The following COL4A5 variants were observed in gnomAD, a reference collection of about 807,000 sequenced individuals.
COL4A5 encodes collagen alpha-5(IV) chain.
Under a neutral mutation model 130.2 loss-of-function variants are expected in COL4A5, and 26 were observed. The observed-to-expected ratio is 0.20, with a 90% CI of 0.15 to 0.28. The LOEUF (loss-of-function observed/expected upper bound fraction) is 0.28. Ranked by LOEUF, COL4A5 falls within the 10% of genes least tolerant of loss-of-function variation. The pLI, the probability that COL4A5 is intolerant of heterozygous loss-of-function variation, is 1.00. For synonymous variants in COL4A5, 496 were observed against 439.6 expected (o/e 1.13, Z -1.60); for missense variants, 1,131 against 1,344.3 (o/e 0.84, Z 2.48).
intron 19 of COL4A5, among the ~76,000 whole-genome samples, chrX:108,589,074 T>G (rs1455386276): frequency 8.9e-6 from 1 of 111,834 alleles, no homozygotes; most frequent in Non-Finnish European, 1.9e-5. Context: ...AAATCAGTAC[T>G]GGTTATTTTT....
intron 1 of COL4A5, among the ~76,000 whole-genome samples, chrX:108,517,636 G>A (rs1422934223): frequency 9.0e-6 from 1 of 111,252 alleles, no homozygotes; most frequent in East Asian, 2.8e-4. Context: ...TAGAGCTGAA[G>A]ACTGGAAAAC....
At position 108,580,557 on chromosome X, in the gene COL4A5, C is replaced by G; in HGVS notation, c.805C>G (p.Pro269Ala). The G allele has an allele frequency of 8.3e-7, 1 of 1,210,093 alleles. No individual in the cohort carries two copies. The highest frequency in any genetic ancestry group is 1.1e-6 in the Non-Finnish European group (1 of 894,340). ...DQGLPGDRGPPGPPGIRGPPG... is the reference protein window; with the variant it reads ...DQGLPGDRGPAGPPGIRGPPG... The stretch of plus-strand genomic sequence containing the variant: ...GGGACTTCCTGGTGACCGAGGGCCT[C>G]CTGGACCTCCAGGGATACGTGGTCC... Residue 269 changes from proline to alanine, a missense_variant, in exon 14 of 53, where the codon CCT becomes GCT. Coordinates refer to ENST00000328300, the MANE Select transcript of COL4A5 (RefSeq NM_033380.3).
intron 1 of COL4A5, among the ~76,000 whole-genome samples, chrX:108,519,165 A>G (rs1960115958): frequency 9.0e-6 from 1 of 111,301 alleles, no homozygotes. Context: ...GGGGTATAAC[A>G]AAGATACCTA....
intron 8 of COL4A5, 79 bp from the exon 9 acceptor site, chrX:108,573,495 T>C: frequency 1.5e-6 from 1 of 659,190 alleles, no homozygotes; most frequent in Non-Finnish European, 2.6e-6. Flanking sequence ...AAATTGAATC[T>C]TCAGATCATT....
At chrX:108,649,124 A>C (rs2067668688) in intron 36 of COL4A5, among the ~76,000 whole-genome samples, 1 of 111,036 alleles carries the variant, frequency 9.0e-6, no homozygotes, top group Admixed American at 9.7e-5. Flanking sequence ...CAAATCAAGA[A>C]CTCAACCCCT....
intron 29 of COL4A5, among the ~76,000 whole-genome samples, chrX:108,611,005 G>T (rs1211625899): frequency 9.0e-6 from 1 of 110,911 alleles, no homozygotes; most frequent in African/African-American, 3.3e-5. Context: ...CTATGAAAAT[G>T]TATCACTAAT....
At chrX:108,642,011 C>T (rs1182633770) in intron 36 of COL4A5, among the ~76,000 whole-genome samples, 1 of 111,658 alleles carries the variant, frequency 9.0e-6, no homozygotes, top group East Asian at 2.8e-4. Flanking sequence ...GCCCTGCTCA[C>T]CCACCACCTG....
intron 1 of COL4A5, among the ~76,000 whole-genome samples, chrX:108,456,740 T>A (rs2064588226): frequency 8.9e-6 from 1 of 112,261 alleles, no homozygotes; most frequent in Non-Finnish European, 1.9e-5. Flanking sequence ...CTGAAAATCT[T>A]TTTTAAAGTA....
chrX:108,477,013 G>A (rs1471639149), intron 1 of COL4A5, among the ~76,000 whole-genome samples: 1 of 111,620 alleles, frequency 9.0e-6, no homozygotes, highest in Non-Finnish European at 1.9e-5. Flanking sequence ...GAAAGATGTA[G>A]GCTGGGAGGC....
intron 1 of COL4A5, among the ~76,000 whole-genome samples, chrX:108,500,809 G>GA (rs2065073353): frequency 9.0e-6 from 1 of 111,362 alleles, no homozygotes; most frequent in African/African-American, 3.3e-5. Flanking sequence ...TGAGAGGACA[G>GA]AAAATATCTA....
chrX:108,642,746 G>T (rs770869160), intron 36 of COL4A5, among the ~76,000 whole-genome samples: 2 of 105,917 alleles, frequency 1.9e-5, no homozygotes, highest in Non-Finnish European at 3.9e-5. Context: ...ACAGACTTCA[G>T]CCCTAGACCT....
At chrX:108,587,210 C>A (rs1444665534) in intron 19 of COL4A5, among the ~76,000 whole-genome samples, 1 of 111,042 alleles carries the variant, frequency 9.0e-6, no homozygotes, top group Non-Finnish European at 1.9e-5. Flanking sequence ...AACACTGAAA[C>A]TTATTGCTTC....
intron 2 of COL4A5, among the ~76,000 whole-genome samples, chrX:108,544,690 G>C (rs1377024343): frequency 9.0e-6 from 1 of 110,992 alleles, no homozygotes; most frequent in Non-Finnish European, 1.9e-5. Context: ...AATGGTAGCA[G>C]CTCCTCCTTG....
At chrX:108,591,480 T>A in intron 20 of COL4A5, 81 bp from the exon 21 acceptor site, 1 of 845,681 alleles carries the variant, frequency 1.2e-6, no homozygotes, top group Admixed American at 2.3e-5. Flanking sequence ...ATAGGTCTTT[T>A]TCTGGCTTGT....
chrX:108,605,083 G>A lies in COL4A5; in HGVS notation c.2245-1659G>A, dbSNP rs142587300. Among the ~76,000 whole-genome samples the A allele has an allele frequency of 2.3e-4, 26 of 112,051 alleles. No homozygotes were observed. In the East Asian group the frequency reaches 6.5e-3, roughly 28 times the overall value. ...GGGCTGTTTTACTTTCTTCTCATTC[G>A]TGTGTTCACTGGAGTAGCACTTTTA... On this transcript the variant is annotated intron_variant, in intron 28 of 52. Coordinates refer to ENST00000328300, the MANE Select transcript of COL4A5 (RefSeq NM_033380.3).
intron 1 of COL4A5, among the ~76,000 whole-genome samples, chrX:108,526,604 CTTTCTTTCT>C (rs1569481132): frequency 1.0e-4 from 3 of 29,055 alleles, no homozygotes; most frequent in Non-Finnish European, 1.6e-4. Flanking sequence ...TCCTTTCTTT[CTTTCTTTCT>C]TTCTTTCTTT....
At chrX:108,525,664 T>G (rs2065304903) in intron 1 of COL4A5, among the ~76,000 whole-genome samples, 1 of 111,749 alleles carries the variant, frequency 8.9e-6, no homozygotes. Context: ...TATTTTTATT[T>G]GTTTTTCTTA....
intron 1 of COL4A5, among the ~76,000 whole-genome samples, chrX:108,533,116 C>A (rs1333744552): frequency 9.0e-6 from 1 of 111,707 alleles, no homozygotes; most frequent in Admixed American, 9.5e-5. Context: ...GGAGGCATCA[C>A]ATTACCTGAC....
intron 3 of COL4A5, among the ~76,000 whole-genome samples, chrX:108,562,680 G>A (rs2065913610): frequency 9.0e-6 from 1 of 111,360 alleles, no homozygotes; most frequent in Non-Finnish European, 1.9e-5. Context: ...TTCCCCAAAT[G>A]GCTGAATTTA....
Sources: allele counts gnomAD v4.1 joint callset (sites outside exome capture counted in the v4.1 genomes callset), GRCh38; gene constraint gnomAD v4.1.1; transcripts MANE v1.5; gene names NCBI Gene and HGNC (gene_info 2026-07-23, HGNC 2026-07-21).